The following RPS17 variants were observed in gnomAD, a reference collection of about 807,000 sequenced individuals.
The protein encoded by RPS17 is ribosomal protein S17, also known as small ribosomal subunit protein eS17.
For synonymous variants in RPS17, 75 were observed against 65.6 expected (o/e 1.14, Z -0.70); for missense variants, 68 against 182.3 (o/e 0.37, Z 3.61).
intron 3 of RPS17, 165 bp from the exon 4 acceptor site, chr15:82,538,536 C>A: frequency 1.2e-6 from 1 of 802,630 alleles, no homozygotes; most frequent in Non-Finnish European, 2.1e-6. Flanking sequence ...CCCCGATGAC[C>A]TGTTCTTCTG....
Position 82,538,161 on chromosome 15 carries a change from T to C in RPS17, c.327+145A>G, listed in dbSNP as rs1343162925. 7.5e-5 allele frequency: 63 copies of C among 841,422 alleles called. 1 individual carries two copies. In the Admixed American group the frequency reaches 1.2e-3, roughly 16 times the overall value. 52.1% of individuals were successfully genotyped at this position (841,422 alleles called of 1,614,324 possible). On this transcript the variant is annotated intron_variant, in intron 4 of 4. Coordinates refer to ENST00000647841, the MANE Select transcript of RPS17 (RefSeq NM_001021.6). ...TGCACACAACTTCCGCTACACCCCT[T>C]ATGAAAGCAGTCCAGTTTAGTGGCT...
intron 2 of RPS17, 103 bp from the exon 3 acceptor site, chr15:82,539,088 C>T: frequency 8.4e-7 from 1 of 1,188,252 alleles, no homozygotes; most frequent in Non-Finnish European, 1.3e-6. Flanking sequence ...AGTTCTTTTC[C>T]ACAGTGAGAA....
chr15:82,539,907 C>A (rs1226557038), intron 2 of RPS17, 74 bp downstream of exon 2: 55 of 1,610,970 alleles, frequency 3.4e-5, no homozygotes, highest in Middle Eastern at 2.2e-4. Flanking sequence ...GGCACCGTCT[C>A]TTCCCGAGTC....
chr15:82,538,494 A>C (rs1595979216), intron 3 of RPS17, 123 bp from the exon 4 acceptor site: 70 of 1,119,076 alleles, frequency 6.3e-5, no homozygotes, highest in Middle Eastern at 2.9e-4. Flanking sequence ...CATTCCTCTC[A>C]CAAGGTGAGC....
chr15:82,539,499 T>A (rs2034304872), intron 2 of RPS17: 1 of 457,866 alleles, frequency 2.2e-6, no homozygotes. Flanking sequence ...ACCAGCCTGG[T>A]CAACATTGTG....
At chr15:82,540,333 C>G in intron 1 of RPS17, 93 bp downstream of exon 1, 1 of 1,580,518 alleles carries the variant, frequency 6.3e-7, no homozygotes, top group Non-Finnish European at 8.6e-7. Flanking sequence ...CTGCGCCTTC[C>G]CGGCCCAGGG....
In RPS17 at chr15:82,539,993, T is replaced by C. The variant is rs12689; in HGVS notation, c.143A>G (p.Asn48Ser). 6.2e-7 allele frequency: 1 copy of C among 1,612,034 alleles called. No homozygotes were observed. The highest frequency in any genetic ancestry group is 1.3e-5 in the African/African-American group (1 of 74,880). Residue 48 changes from asparagine (N) to serine (S), a missense_variant, in exon 2 of 5, where the codon AAC becomes AGC. Asn to Ser is a conservative substitution (Grantham distance 46). Transcript: ENST00000647841. The stretch of plus-strand genomic sequence containing the variant: ...AGGCCCGACTCACCCTGCTATCTTG[T>C]TGCGGAGCTTTTTGCTGGGGATAAT... ...IAIIPSKKLR[N>S]KIAGYVTHLM... is the part of the protein sequence containing the mutation.
In RPS17 at chr15:82,540,400, T is replaced by C. The variant is rs1485500459; in HGVS notation, c.3+26A>G. The C allele has an allele frequency of 1.4e-5, 22 of 1,593,218 alleles. No homozygotes were observed. In the East Asian group the frequency reaches 3.8e-4, roughly 28 times the overall value. ...GCAGATGGGGGACGATTGTGGAGGA[T>C]GGCGGCCTCGAGCCAAAACACCTAC... is the stretch of plus-strand genomic sequence containing the variant. On this transcript the variant is annotated intron_variant, in intron 1 of 4. Transcript: ENST00000647841.
rs1018859221 is a variant in RPS17, at chr15:82,538,412, G to A, written c.262-41C>T. ...GTAGGGTCAAAATACCAATCAATGAGATTATCACTCACCTCTCCTCCTCCT... is the reference window on the plus strand; with the variant it reads ...GTAGGGTCAAAATACCAATCAATGAAATTATCACTCACCTCTCCTCCTCCT... On this transcript the variant is annotated intron_variant, in intron 3 of 4. Transcript: ENST00000647841. The A allele has an allele frequency of 1.9e-6, 3 of 1,602,518 alleles. No homozygotes were observed. The African/African-American group carries it at 4.0e-5, about 21-fold the overall frequency.
chr15:82,539,562 G>A (rs938527498), intron 2 of RPS17: 55 of 432,724 alleles, frequency 1.3e-4, no homozygotes, highest in Non-Finnish European at 2.4e-4. Flanking sequence ...GGTAGCACGT[G>A]CCTCTAATCC....
At chr15:82,537,047 A>C (rs1353441057) in intron 4 of RPS17, 166 bp from the exon 5 acceptor site, 2 of 733,282 alleles carry the variant, frequency 2.7e-6, no homozygotes, top group African/African-American at 3.5e-5. Context: ...CCACTTTTCC[A>C]GAGTGATCTT....
At chr15:82,538,751 C>A in intron 3 of RPS17, 129 bp downstream of exon 3, 1 of 985,396 alleles carries the variant, frequency 1.0e-6, no homozygotes, top group South Asian at 1.3e-5. Flanking sequence ...GGCCTATGGG[C>A]ACCCACAGCT....
chr15:82,539,224 A>C (rs1651957), intron 2 of RPS17: 403,438 of 628,948 alleles, frequency 0.64, 127,804 homozygotes, highest in African/African-American at 0.77. Context: ...CCCCACCCCC[A>C]ACTCGCCCCG....
At chr15:82,539,084 T>TCC (rs2034293207) in intron 2 of RPS17, 99 bp from the exon 3 acceptor site, 1 of 1,214,432 alleles carries the variant, frequency 8.2e-7, no homozygotes. Context: ...CTTTAGTTCT[T>TCC]TTCCACAGTG....
chr15:82,538,675 C>T, intron 3 of RPS17: 1 of 674,882 alleles, frequency 1.5e-6, no homozygotes, highest in South Asian at 1.8e-5. Context: ...TAAGGGCTCT[C>T]ATGAAATATG....
intron 4 of RPS17, chr15:82,538,073 GA>G (rs1456573799): frequency 5.6e-5 from 33 of 584,506 alleles, no homozygotes; most frequent in Middle Eastern, 2.7e-4. Context: ...GCAGCCAAGA[GA>G]GAAAAGGTGT....
chr15:82,540,197 G>C, intron 1 of RPS17, 65 bp from the exon 2 acceptor site: 4 of 1,612,800 alleles, frequency 2.5e-6, no homozygotes, highest in Non-Finnish European at 3.4e-6. Context: ...GTGCGGCGCC[G>C]AGCCCCGGCC....
Position 82,538,363 on chromosome 15 carries a change from G to T in RPS17, c.270C>A (p.Ala90=). ...CTACTTCAATAATCTCCTGATCCAA[G>T]GCTGAGACCTACAAGGAAACGAGGT... is the stretch of plus-strand genomic sequence containing the variant. The part of the protein sequence containing the change: ...RRDNYVPEVS[A]LDQEIIEVDP... Residue 90 remains alanine (A), a synonymous_variant, in exon 4 of 5, where the codon GCC becomes GCA. Transcript: ENST00000647841. 6.2e-7 allele frequency: 1 copy of T among 1,612,366 alleles called. No homozygotes were observed. Among genetic ancestry groups the T allele is most frequent in the Non-Finnish European group, 8.5e-7 (1 of 1,179,798 alleles).
chr15:82,540,208 G>A (rs2034323464), intron 1 of RPS17, 76 bp from the exon 2 acceptor site: 2 of 1,611,978 alleles, frequency 1.2e-6, no homozygotes, highest in East Asian at 2.2e-5. Context: ...AGCCCCGGCC[G>A]GTGTGGTTGG....
Sources: allele counts gnomAD v4.1 joint callset, GRCh38; gene constraint gnomAD v4.1.1; transcripts MANE v1.5; gene names NCBI Gene and HGNC (gene_info 2026-07-23, HGNC 2026-07-21).